Variants in CHST9 observed in about 807,000 individuals in gnomAD.
CHST9 encodes GalNAc-4-sulfotransferase 2.
CHST9 carries 41 observed loss-of-function variants against 44.4 expected under a neutral mutation model. The ratio of observed to expected loss-of-function variants is 0.92; its 90% CI spans 0.72 to 1.20. CHST9 has a LOEUF of 1.20. Ranked by LOEUF, CHST9 falls within the 50% of genes most tolerant of loss-of-function variation. The pLI is 0.00. For synonymous variants in CHST9, 171 were observed against 178.4 expected (o/e 0.96, Z 0.33); for missense variants, 504 against 516.5 (o/e 0.98, Z 0.23).
chr18:27,071,815 G>A (rs1285516466), intron 2 of CHST9, among the ~76,000 whole-genome samples: 1 of 152,104 alleles, frequency 6.6e-6, no homozygotes, highest in Non-Finnish European at 1.5e-5. Flanking sequence ...AGGGCCTTGG[G>A]GGGGATCCCT....
chr18:26,966,776 G>T (rs1663700598), intron 4 of CHST9, among the ~76,000 whole-genome samples: 1 of 151,562 alleles, frequency 6.6e-6, no homozygotes, highest in South Asian at 2.1e-4. Flanking sequence ...AGGAAAGTTG[G>T]TTATTTTAAG....
chr18:27,170,652 C>A (rs2143956277), intron 1 of CHST9, among the ~76,000 whole-genome samples: 1 of 152,166 alleles, frequency 6.6e-6, no homozygotes, highest in Non-Finnish European at 1.5e-5. Context: ...AACTAGAACT[C>A]TGAAACTTCT....
chr18:27,169,025 C>G (rs574143015), intron 1 of CHST9, among the ~76,000 whole-genome samples: 2 of 152,198 alleles, frequency 1.3e-5, no homozygotes, highest in East Asian at 3.9e-4. Context: ...GTCATCAGTC[C>G]TATAGCTGCA....
At chr18:27,046,368 A>T (rs980013337) in intron 3 of CHST9, among the ~76,000 whole-genome samples, 4 of 151,932 alleles carry the variant, frequency 2.6e-5, no homozygotes, top group African/African-American at 4.8e-5. Context: ...ATATTTTCTA[A>T]TTTTTTTGTT....
chr18:27,146,973 T>C (rs952480943), intron 1 of CHST9, among the ~76,000 whole-genome samples: 43 of 152,206 alleles, frequency 2.8e-4, no homozygotes, highest in Admixed American at 3.3e-4. Flanking sequence ...AACGGAAGTA[T>C]TTTGGGACTT....
chr18:27,053,695 C>T (rs1027858838), intron 2 of CHST9, among the ~76,000 whole-genome samples: 1 of 152,174 alleles, frequency 6.6e-6, no homozygotes, highest in Non-Finnish European at 1.5e-5. Flanking sequence ...TTGGCCATAA[C>T]TTTCCTTCTG....
intron 5 of CHST9, chr18:26,934,735 C>T (rs560998550): frequency 6.6e-6 from 1 of 152,280 alleles, no homozygotes; most frequent in South Asian, 2.1e-4. Flanking sequence ...TTTCTGAACT[C>T]GAACATTTTC....
At chr18:27,166,541 A>G (rs1294154471) in intron 1 of CHST9, among the ~76,000 whole-genome samples, 3 of 152,194 alleles carry the variant, frequency 2.0e-5, no homozygotes, top group Non-Finnish European at 4.4e-5. Flanking sequence ...CTCCATCCCA[A>G]GGACAGTGCC....
chr18:27,012,529 C>T (rs62082096), intron 4 of CHST9, among the ~76,000 whole-genome samples: 4 of 151,902 alleles, frequency 2.6e-5, no homozygotes, highest in Non-Finnish European at 5.9e-5. Context: ...CAGGGGTGGA[C>T]GAGGCAGAGG....
chr18:26,952,423 T>G (rs144899709), intron 4 of CHST9: 3 of 428,084 alleles, frequency 7.0e-6, no homozygotes, highest in Non-Finnish European at 1.4e-5. Flanking sequence ...CTTTGCACCA[T>G]AGTTTTTACC....
chr18:26,975,709 A>ATGTG (rs1266109899), intron 4 of CHST9, among the ~76,000 whole-genome samples: 20 of 56,964 alleles, frequency 3.5e-4, no homozygotes, highest in South Asian at 9.6e-4. Context: ...ATGTGTATAT[A>ATGTG]TGTGTGTGTG....
At chr18:27,018,227 G>A (rs1240661925) in intron 4 of CHST9, among the ~76,000 whole-genome samples, 1 of 152,158 alleles carries the variant, frequency 6.6e-6, no homozygotes, top group East Asian at 1.9e-4. Flanking sequence ...TCATTTTAAT[G>A]CAAGAGAAAA....
chr18:27,114,631 G>A (rs1180553196), intron 2 of CHST9, among the ~76,000 whole-genome samples: 5 of 152,232 alleles, frequency 3.3e-5, no homozygotes, highest in Admixed American at 3.3e-4. Context: ...CTCAGCCTGT[G>A]GCAACCACTA....
At chr18:27,087,361 C>T (rs1471214132) in intron 2 of CHST9, among the ~76,000 whole-genome samples, 2 of 152,210 alleles carry the variant, frequency 1.3e-5, no homozygotes, top group Non-Finnish European at 1.5e-5. Flanking sequence ...CTGGACCCAA[C>T]ATTAGCAGAA....
At chr18:27,053,197 A>AAGAAGAAGAAG (rs2057597718) in intron 2 of CHST9, among the ~76,000 whole-genome samples, 1 of 95,496 alleles carries the variant, frequency 1.0e-5, no homozygotes, top group Admixed American at 1.1e-4. Flanking sequence ...AGAAGAAGAA[A>AAGAAGAAGAAG]GAACAAGAAG....
intron 2 of CHST9, among the ~76,000 whole-genome samples, chr18:27,062,168 T>C (rs1490389189): frequency 1.3e-5 from 2 of 152,182 alleles, no homozygotes; most frequent in African/African-American, 4.8e-5. Flanking sequence ...AATTCTTTTT[T>C]TTTATTATTA....
chr18:27,109,351 T>G (rs2058250023), intron 2 of CHST9, among the ~76,000 whole-genome samples: 1 of 152,180 alleles, frequency 6.6e-6, no homozygotes, highest in East Asian at 1.9e-4. Flanking sequence ...GTCTCTATTT[T>G]ACCCTGAAAA....
intron 1 of CHST9, among the ~76,000 whole-genome samples, chr18:27,163,582 C>T (rs537089958): frequency 2.8e-4 from 43 of 152,266 alleles, no homozygotes; most frequent in African/African-American, 9.6e-4. Context: ...TAGCAATGAG[C>T]GAGGCTCCGT....
chr18:26,971,126 G>C (rs1263868052), intron 4 of CHST9, among the ~76,000 whole-genome samples: 1 of 152,092 alleles, frequency 6.6e-6, no homozygotes, highest in Non-Finnish European at 1.5e-5. Flanking sequence ...CACATCTTCT[G>C]TTTCTGCAAC....
Sources: allele counts gnomAD v4.1 joint callset (sites outside exome capture counted in the v4.1 genomes callset), GRCh38; gene constraint gnomAD v4.1.1; transcripts MANE v1.5; gene names NCBI Gene and HGNC (gene_info 2026-07-23, HGNC 2026-07-21).